Variants in CLIC5 observed in about 807,000 individuals in gnomAD.
CLIC5 encodes the protein CLIC family member 5, also known as chloride intracellular channel protein 5.
CLIC5 carries 20 observed loss-of-function variants against 24.7 expected under a neutral mutation model. The ratio of observed to expected loss-of-function variants is 0.81; its 90% CI spans 0.57 to 1.18. The LOEUF (loss-of-function observed/expected upper bound fraction) is 1.18. Among genes scored for constraint, CLIC5 ranks in the 50% most tolerant of loss-of-function variants. The pLI, the probability that CLIC5 is intolerant of heterozygous loss-of-function variation, is 0.00. For missense variants in CLIC5, 341 were observed against 326.1 expected (o/e 1.05, Z -0.35); for synonymous variants, 159 against 135.6 (o/e 1.17, Z -1.20).
chr6:45,978,276 A>T (rs905897665), intron 1 of CLIC5, among the ~76,000 whole-genome samples: 1 of 152,146 alleles, frequency 6.6e-6, no homozygotes, highest in African/African-American at 2.4e-5. Context: ...TGCTTTCCAT[A>T]TCCGAGAACT....
intron 1 of CLIC5, among the ~76,000 whole-genome samples, chr6:45,986,574 G>A (rs150583348): frequency 2.3e-4 from 35 of 152,352 alleles, no homozygotes; most frequent in Non-Finnish European, 2.8e-4. Context: ...GCCAGGATAA[G>A]CCAGAGAAGG....
intron 1 of CLIC5, among the ~76,000 whole-genome samples, chr6:45,992,532 A>G (rs1317858497): frequency 6.6e-6 from 1 of 152,224 alleles, no homozygotes; most frequent in Admixed American, 6.5e-5. Flanking sequence ...CCCCACTGTG[A>G]ATTCAATTCC....
chr6:45,926,708 C>A (rs1291711762), intron 4 of CLIC5, among the ~76,000 whole-genome samples: 2 of 152,142 alleles, frequency 1.3e-5, no homozygotes, highest in Non-Finnish European at 2.9e-5. Flanking sequence ...TGAAGTATCA[C>A]TTTTAACACC....
At chr6:45,966,273 T>C (rs1765013073) in intron 1 of CLIC5, among the ~76,000 whole-genome samples, 1 of 152,128 alleles carries the variant, frequency 6.6e-6, no homozygotes, top group Admixed American at 6.5e-5. Flanking sequence ...GTTTATGATA[T>C]GTCAACAAAG....
At chr6:46,034,031 C>T (rs1014412566) in intron 1 of CLIC5, among the ~76,000 whole-genome samples, 2 of 152,188 alleles carry the variant, frequency 1.3e-5, no homozygotes, top group Non-Finnish European at 2.9e-5. Context: ...ATAAACAAAA[C>T]AAACACAAAG....
At chr6:45,993,360 G>T (rs1766010908) in intron 1 of CLIC5, among the ~76,000 whole-genome samples, 1 of 152,124 alleles carries the variant, frequency 6.6e-6, no homozygotes, top group South Asian at 2.1e-4. Context: ...TGATCACTAT[G>T]GTAGGCAAGA....
At chr6:45,991,149 C>T (rs1765921436) in intron 1 of CLIC5, among the ~76,000 whole-genome samples, 2 of 152,168 alleles carry the variant, frequency 1.3e-5, no homozygotes, top group African/African-American at 4.8e-5. Flanking sequence ...TTCTAGCTAA[C>T]AGAACATAGT....
chr6:45,934,751 C>A (rs970010265), intron 4 of CLIC5, among the ~76,000 whole-genome samples: 1 of 152,134 alleles, frequency 6.6e-6, no homozygotes, highest in Non-Finnish European at 1.5e-5. Flanking sequence ...AGAAAAGGGG[C>A]AAAAGCACAT....
chr6:46,117,276 C>G, the CLIC5 span, among the ~76,000 whole-genome samples: 1 of 152,288 alleles, frequency 6.6e-6, no homozygotes, highest in African/African-American at 2.4e-5. Flanking sequence ...CATGCCTGAT[C>G]ATGAGACACC....
At chr6:45,986,075 C>T (rs958178982) in intron 1 of CLIC5, among the ~76,000 whole-genome samples, 3 of 152,232 alleles carry the variant, frequency 2.0e-5, no homozygotes, top group African/African-American at 2.4e-5. Context: ...CCTCATTCAC[C>T]TTCCACCATG....
chr6:45,951,800 T>C (rs548602689), intron 2 of CLIC5, among the ~76,000 whole-genome samples: 2 of 151,202 alleles, frequency 1.3e-5, no homozygotes, highest in African/African-American at 4.9e-5. Context: ...AGTAGAGGAG[T>C]CTGTAATGAA....
chr6:46,061,023 A>G (rs910134545), intron 1 of CLIC5, among the ~76,000 whole-genome samples: 1 of 152,192 alleles, frequency 6.6e-6, no homozygotes, highest in East Asian at 1.9e-4. Flanking sequence ...AGATTTATCA[A>G]CCTGTTGATT....
chr6:45,973,625 A>G (rs942208791), intron 1 of CLIC5, among the ~76,000 whole-genome samples: 3 of 152,266 alleles, frequency 2.0e-5, no homozygotes, highest in African/African-American at 4.8e-5. Context: ...GCAAAATACT[A>G]TGAAAACATG....
intron 1 of CLIC5, among the ~76,000 whole-genome samples, chr6:46,003,365 C>A (rs1232446522): frequency 6.6e-6 from 1 of 152,120 alleles, no homozygotes; most frequent in African/African-American, 2.4e-5. Flanking sequence ...ATCTCTTTCC[C>A]AACATTTTCC....
the CLIC5 span, among the ~76,000 whole-genome samples, chr6:46,092,400 C>G: frequency 6.7e-6 from 1 of 150,340 alleles, no homozygotes; most frequent in Non-Finnish European, 1.5e-5. Context: ...TCAAGTCTTC[C>G]TCATGATTAT....
intron 1 of CLIC5, among the ~76,000 whole-genome samples, chr6:46,074,532 T>C (rs1024848597): frequency 6.6e-6 from 1 of 152,226 alleles, no homozygotes; most frequent in African/African-American, 2.4e-5. Context: ...TTTCTGTGAA[T>C]AGTGCCCCCT....
intron 1 of CLIC5, among the ~76,000 whole-genome samples, chr6:46,000,651 T>C (rs960806976): frequency 2.6e-5 from 4 of 152,096 alleles, no homozygotes; most frequent in Non-Finnish European, 5.9e-5. Context: ...CATGGTAGAA[T>C]GCACCTCTTC....
intron 1 of CLIC5, among the ~76,000 whole-genome samples, chr6:45,955,999 C>T (rs1381961401): frequency 3.3e-5 from 5 of 152,090 alleles, no homozygotes; most frequent in African/African-American, 4.8e-5. Flanking sequence ...GAGCTTATGG[C>T]CTTCTGTAGG....
At chr6:46,028,666 T>C (rs1767410998) in intron 1 of CLIC5, among the ~76,000 whole-genome samples, 1 of 152,086 alleles carries the variant, frequency 6.6e-6, no homozygotes, top group South Asian at 2.1e-4. Flanking sequence ...TATAACAGTT[T>C]TAGTTCACAG....
Sources: gnomAD v4.1 joint callset for allele counts (sites outside exome capture counted in the v4.1 genomes callset) on GRCh38, gnomAD v4.1.1 for gene constraint, MANE v1.5 for transcripts, NCBI Gene and HGNC (gene_info 2026-07-23, HGNC 2026-07-21) for gene names.